The following TOB2 variants were observed in gnomAD, a reference collection of about 807,000 sequenced individuals.
TOB2 encodes the protein transducer of ERBB2, 2.
A neutral mutation model predicts 17.3 loss-of-function variants in TOB2; 3 were observed. The ratio of observed to expected loss-of-function variants is 0.17; its 90% CI spans 0.08 to 0.45. The LOEUF (loss-of-function observed/expected upper bound fraction) is 0.45. Ranked by LOEUF, TOB2 falls within the 20% of genes least tolerant of loss-of-function variation. The pLI, the probability that TOB2 is intolerant of heterozygous loss-of-function variation, is 0.99. For missense variants in TOB2, 407 were observed against 445.7 expected (o/e 0.91, Z 0.78); for synonymous variants, 163 against 185.6 (o/e 0.88, Z 0.99).
chr22:41,441,413 G>A (rs867174762), intron 1 of TOB2, among the ~76,000 whole-genome samples: 1 of 152,042 alleles, frequency 6.6e-6, no homozygotes, highest in Non-Finnish European at 1.5e-5. Flanking sequence ...CCAGAACCAT[G>A]AGCCTTCTCT....
rs573881631 is a variant in TOB2, at chr22:41,434,987, A to C, written c.*1324T>G. 24 of 153,112 alleles carry C rather than the reference A, an allele frequency of 1.6e-4. No homozygotes were observed. Among genetic ancestry groups the C allele is most frequent in the African/African-American group, 5.8e-4 (24 of 41,544 alleles). 9.5% of individuals were successfully genotyped at this position (153,112 alleles called of 1,614,324 possible). A position where few individuals can be genotyped will look rare whatever the true frequency, so the allele number is the denominator to read the frequency against. On this transcript the variant is annotated 3_prime_UTR_variant, in exon 2 of 2. Coordinates refer to ENST00000327492, the MANE Select transcript of TOB2 (RefSeq NM_016272.4). ...CCAGGCAGGGGCACAAATGCACTCA[A>C]CACCTCCAAACTAAGAGACCCCAAA... is the stretch of plus-strand genomic sequence containing the variant.
In TOB2 at chr22:41,434,001, C is replaced by T. The variant is rs1382100765; in HGVS notation, c.*2310G>A. On this transcript the variant is annotated 3_prime_UTR_variant, in exon 2 of 2. Coordinates refer to ENST00000327492, the MANE Select transcript of TOB2 (RefSeq NM_016272.4). ...GAAAAGAAAAAAATTATGTTTTTTA[C>T]GTTAGAAATATACATATATTATATA... is the stretch of plus-strand genomic sequence containing the variant. 7 of 235,160 alleles carry T rather than the reference C, an allele frequency of 3.0e-5. No homozygotes were observed. The highest frequency in any genetic ancestry group is 1.4e-4 in the African/African-American group (6 of 44,378). The allele number at this position is 235,160 out of a possible 1,614,324, so 14.6% of individuals were successfully genotyped here. A position where few individuals can be genotyped will look rare whatever the true frequency, so the allele number is the denominator to read the frequency against.
Position 41,437,004 on chromosome 22 carries a change from C to T in TOB2, c.342G>A (p.Leu114=). 1 of 1,614,154 alleles carries T rather than the reference C, an allele frequency of 6.2e-7. No individual in the cohort carries two copies. The highest frequency in any genetic ancestry group is 8.5e-7 in the Non-Finnish European group (1 of 1,180,030). Residue 114 remains leucine, a synonymous_variant, in exon 2 of 2, where the codon CTG becomes CTA. Transcript: ENST00000327492. The part of the protein sequence containing the change: ...GEKGAVKVLY[L]DDSEGCGAPE... ...GGGCACCGCAACCCTCACTGTCATC[C>T]AGGTACAGCACTTTCACAGCTCCCT...
chr22:41,439,686 T>C (rs2037592849), intron 1 of TOB2, among the ~76,000 whole-genome samples: 1 of 152,114 alleles, frequency 6.6e-6, no homozygotes, highest in Non-Finnish European at 1.5e-5. Context: ...TGGCTAGTTT[T>C]TGTATTTTTA....
Position 41,436,120 on chromosome 22 carries a change from G to C in TOB2, c.*191C>G, listed in dbSNP as rs577299751. ...CACAGGCCGGTGGGCGAGCGGTAAG[G>C]GGTGAGTGAAACACACTTGGGTGCT... On this transcript the variant is annotated 3_prime_UTR_variant, in exon 2 of 2. Coordinates refer to ENST00000327492, the MANE Select transcript of TOB2 (RefSeq NM_016272.4). The surrounding 1 kb of genome is among the most constrained non-coding windows in gnomAD (Gnocchi z 4.8). 456 of 586,856 alleles carry C rather than the reference G, an allele frequency of 7.8e-4. 2 individuals are homozygous for C. The highest frequency in any genetic ancestry group is 1.5e-3 in the Middle Eastern group (3 of 2,018). The allele number at this position is 586,856 out of a possible 1,614,324, so 36.4% of individuals were successfully genotyped here.
At chr22:41,438,402 G>A (rs185253158) in intron 1 of TOB2, among the ~76,000 whole-genome samples, 163 of 152,082 alleles carry the variant, frequency 1.1e-3, no homozygotes, top group African/African-American at 3.8e-3. Flanking sequence ...GCTGAGGCGG[G>A]TGGATCACCT....
chr22:41,438,250 G>C (rs1161004264), intron 1 of TOB2, among the ~76,000 whole-genome samples: 1 of 152,284 alleles, frequency 6.6e-6, no homozygotes, highest in Non-Finnish European at 1.5e-5. Flanking sequence ...TTCACTGGGG[G>C]CCTGGACTCC....
chr22:41,443,593 C>A (rs2037643937), intron 1 of TOB2, among the ~76,000 whole-genome samples: 2 of 149,708 alleles, frequency 1.3e-5, no homozygotes, highest in Admixed American at 1.3e-4. Flanking sequence ...GTTGGGATTA[C>A]AGGCGTGAGT....
chr22:41,440,117 TC>T (rs1446526348), intron 1 of TOB2, among the ~76,000 whole-genome samples: 1 of 50,192 alleles, frequency 2.0e-5, no homozygotes, highest in African/African-American at 1.2e-4. Context: ...TCTTTTTCTT[TC>T]TTTTTTTTTT....
rs775856231 is a variant in TOB2, at chr22:41,436,596, C to T, written c.750G>A (p.Gln250=). The T allele has an allele frequency of 1.6e-5, 26 of 1,612,092 alleles. No homozygotes were observed. The highest frequency in any genetic ancestry group is 2.0e-5 in the Non-Finnish European group (23 of 1,179,150). The change falls in exon 2 of 2, where the codon CAG becomes CAA. Residue 250 remains glutamine, a synonymous_variant. Coordinates refer to ENST00000327492, the MANE Select transcript of TOB2 (RefSeq NM_016272.4). This position sits in a 1 kb window ranked among gnomAD's most constrained non-coding sequence, Gnocchi z 4.8. The part of the protein sequence containing the change: ...LNFITANPAP[Q]SQLSPNAKEF... ...CCTTGGCATTGGGTGAGAGCTGGGA[C>T]TGAGGGGCCGGGTTGGCCGTGATGA...
At chr22:41,439,403 C>A (rs1271395465) in intron 1 of TOB2, among the ~76,000 whole-genome samples, 1 of 152,164 alleles carries the variant, frequency 6.6e-6, no homozygotes, top group Non-Finnish European at 1.5e-5. Context: ...TTTCTAAACA[C>A]CTGCCCCAAC....
chr22:41,437,395 G>A lies in TOB2; in HGVS notation c.-50C>T, dbSNP rs762592511. ...GCACAGGGCACGTGTACAGCCTTGG[G>A]CTCCAGGCGGCTCTGGGAAATGAGA... is the stretch of plus-strand genomic sequence containing the variant. On this transcript the variant is annotated 5_prime_UTR_variant, in exon 2 of 2. Transcript: ENST00000327492. 4.0e-5 allele frequency: 61 copies of A among 1,537,508 alleles called. No homozygotes were observed. The highest frequency in any genetic ancestry group is 5.1e-5 in the South Asian group (4 of 78,702).
intron 1 of TOB2, among the ~76,000 whole-genome samples, chr22:41,444,502 G>A (rs964391027): frequency 6.6e-6 from 1 of 152,218 alleles, no homozygotes; most frequent in South Asian, 2.1e-4. Flanking sequence ...TCCGGACCAG[G>A]CGATAGCAGG....
At chr22:41,441,684 C>T (rs1478646018) in intron 1 of TOB2, among the ~76,000 whole-genome samples, 1 of 151,968 alleles carries the variant, frequency 6.6e-6, no homozygotes, top group African/African-American at 2.4e-5. Context: ...GAGGCTGAGG[C>T]GGGTGGATCA....
chr22:41,440,713 T>C (rs996511684), intron 1 of TOB2, among the ~76,000 whole-genome samples: 1 of 151,940 alleles, frequency 6.6e-6, no homozygotes, highest in Non-Finnish European at 1.5e-5. Context: ...ATTACAGGCA[T>C]GCACCACCAC....
intron 1 of TOB2, 23 bp from the exon 2 acceptor site, chr22:41,437,430 A>G (rs1315602562): frequency 3.3e-6 from 5 of 1,518,994 alleles, no homozygotes; most frequent in Middle Eastern, 2.5e-4. Flanking sequence ...AGGCACCGTG[A>G]GAAAATATGC....
At position 41,446,773 on chromosome 22, in the gene TOB2, A is replaced by T. The variant is rs2037694850; in HGVS notation, c.-457T>A. ...CGGCTTGCCTCAGCCAACAACCCGCACCTTCCCGCGCCCCGGCCCGAAGTG... is the reference window on the plus strand; with the variant it reads ...CGGCTTGCCTCAGCCAACAACCCGCTCCTTCCCGCGCCCCGGCCCGAAGTG... On this transcript the variant is annotated 5_prime_UTR_variant, in exon 1 of 2. Coordinates refer to ENST00000327492, the MANE Select transcript of TOB2 (RefSeq NM_016272.4). 6.5e-6 allele frequency: 1 copy of T among 152,734 alleles called. No homozygotes were observed. Among genetic ancestry groups the T allele is most frequent in the Admixed American group, 6.5e-5 (1 of 15,284 alleles). The allele number at this position is 152,734 out of a possible 1,614,324, so 9.5% of individuals were successfully genotyped here.
chr22:41,436,045 GA>G lies in TOB2; in HGVS notation c.*265del, dbSNP rs75986371. The G allele has an allele frequency of 0.048, 14,252 of 294,514 alleles. No individual in the cohort carries two copies. Among genetic ancestry groups the G allele is most frequent in the East Asian group, 0.067 (1,209 of 17,948 alleles). 18.2% of individuals were successfully genotyped at this position (294,514 alleles called of 1,614,324 possible). A position where few individuals can be genotyped will look rare whatever the true frequency, so the allele number is the denominator to read the frequency against. ...ATGTTATATAGAAAACTACATGTAA[GA>G]AAAAAAAAAAAGAAAAAGAAATATA... On this transcript the variant is annotated 3_prime_UTR_variant, in exon 2 of 2. Transcript: ENST00000327492. This position sits in a 1 kb window ranked among gnomAD's most constrained non-coding sequence, Gnocchi z 4.8.
rs1331574661 is a variant in TOB2, at chr22:41,446,662, G to A, written c.-346C>T. 1.3e-5 allele frequency: 2 copies of A among 152,784 alleles called. No individual in the cohort carries two copies. Among genetic ancestry groups the A allele is most frequent in the Non-Finnish European group, 2.9e-5 (2 of 68,146 alleles). 9.5% of individuals were successfully genotyped at this position (152,784 alleles called of 1,614,324 possible). On this transcript the variant is annotated 5_prime_UTR_variant, in exon 1 of 2. Transcript: ENST00000327492. ...GACGACGCGGGGATGGCGGATCGGA[G>A]GGTGGTTCGTGTCGCGCAACGGCAG...
Sources: gnomAD v4.1 joint callset for allele counts (sites outside exome capture counted in the v4.1 genomes callset) on GRCh38, gnomAD v4.1.1 for gene constraint, Gnocchi (gnomAD v3.1) non-coding constraint, MANE v1.5 for transcripts, NCBI Gene and HGNC (gene_info 2026-07-23, HGNC 2026-07-21) for gene names.